The following TBC1D2B variants were observed in gnomAD, a reference collection of about 807,000 sequenced individuals.
The protein encoded by TBC1D2B is TBC1 domain family, member 2B.
In TBC1D2B, 64 loss-of-function variants were observed where a neutral mutation model predicts 100.8. The observed-to-expected ratio is 0.64, with a 90% CI of 0.52 to 0.78. TBC1D2B has a LOEUF of 0.78. Ranked by LOEUF, TBC1D2B falls within the 30% of genes least tolerant of loss-of-function variation. The pLI, the probability that TBC1D2B is intolerant of heterozygous loss-of-function variation, is 0.00. For missense variants in TBC1D2B, 1,052 were observed against 1,218.4 expected, an observed-to-expected ratio of 0.86 and a Z score of 2.03; for synonymous variants, 480 against 479.7, an observed-to-expected ratio of 1.00 and a Z score of -0.01.
chr15:78,074,650 G>A (rs368794940), intron 1 of TBC1D2B, among the ~76,000 whole-genome samples: 3 of 152,062 alleles, frequency 2.0e-5, no homozygotes, highest in African/African-American at 7.3e-5. Context: ...ACCACTACCT[G>A]GAAACCAGAG....
At position 78,001,938 on chromosome 15, in the gene TBC1D2B, C is replaced by T; in HGVS notation, c.2575-198G>A. 4 of 489,602 alleles carry T rather than the reference C, an allele frequency of 8.2e-6. No individual in the cohort carries two copies. In the South Asian group the frequency reaches 1.3e-4, roughly 16 times the overall value. 30.3% of individuals were successfully genotyped at this position (489,602 alleles called of 1,614,324 possible). On this transcript the variant is annotated intron_variant, in intron 11 of 12. Coordinates refer to ENST00000300584, the MANE Select transcript of TBC1D2B (RefSeq NM_144572.2). The stretch of plus-strand genomic sequence containing the variant: ...ACTCCTTTATTACAGGAAAATAAAC[C>T]CTGCTGGTTTTCAACAACACATCAG...
rs955174519 is a variant in TBC1D2B at position 78,070,451 on chromosome 15, C to G, written c.360+6842G>C. 2.0e-5 allele frequency among the ~76,000 whole-genome samples: 3 copies of G among 152,206 alleles called. No homozygotes were observed. The East Asian group carries it at 5.8e-4, about 29-fold the overall frequency. Reference sequence around the variant, plus strand: ...ATATTTTATTAACGTCTGTCCCCCCCACCTACTGAAAGCTCCAGGAGGACA... The same window carrying G: ...ATATTTTATTAACGTCTGTCCCCCCGACCTACTGAAAGCTCCAGGAGGACA... On this transcript the variant is annotated intron_variant, in intron 1 of 12. Coordinates refer to ENST00000300584, the MANE Select transcript of TBC1D2B (RefSeq NM_144572.2).
chr15:78,028,047 G>A (rs187955099), intron 4 of TBC1D2B, among the ~76,000 whole-genome samples: 48 of 152,284 alleles, frequency 3.2e-4, no homozygotes, highest in Middle Eastern at 6.8e-3. Context: ...GCTTACTCTC[G>A]CAATAAAGGT....
intron 6 of TBC1D2B, among the ~76,000 whole-genome samples, chr15:78,020,391 G>A (rs1004409376): frequency 4.6e-5 from 7 of 152,162 alleles, no homozygotes; most frequent in African/African-American, 1.2e-4. Context: ...AGTAAGTCCT[G>A]ATCATTTATA....
intron 2 of TBC1D2B, among the ~76,000 whole-genome samples, chr15:78,051,657 G>A (rs1310499676): frequency 6.6e-6 from 1 of 152,132 alleles, no homozygotes; most frequent in Non-Finnish European, 1.5e-5. Context: ...GACAATACTA[G>A]GAAAAGTTTT....
At chr15:78,055,625 T>C (rs746772167) in intron 1 of TBC1D2B, among the ~76,000 whole-genome samples, 22 of 152,220 alleles carry the variant, frequency 1.4e-4, no homozygotes, top group Non-Finnish European at 3.1e-4. Flanking sequence ...GTGGGTGCTG[T>C]GACCACAACC....
At chr15:78,031,084 G>T (rs1257507637) in intron 3 of TBC1D2B, among the ~76,000 whole-genome samples, 1 of 152,172 alleles carries the variant, frequency 6.6e-6, no homozygotes, top group African/African-American at 2.4e-5. Flanking sequence ...GAAAATGGAA[G>T]AATTATAGGT....
intron 1 of TBC1D2B, among the ~76,000 whole-genome samples, chr15:78,062,997 A>G (rs776289461): frequency 4.6e-5 from 7 of 152,204 alleles, no homozygotes; most frequent in Admixed American, 3.9e-4. Flanking sequence ...AATTGAAATA[A>G]TAATAATAGG....
At chr15:78,045,432 G>C (rs1295198660) in intron 2 of TBC1D2B, among the ~76,000 whole-genome samples, 1 of 152,152 alleles carries the variant, frequency 6.6e-6, no homozygotes, top group East Asian at 1.9e-4. Flanking sequence ...CAATTTCCAG[G>C]ATAAACTGTT....
Position 78,024,205 on chromosome 15 carries a change from G to A in TBC1D2B, c.1421C>T (p.Pro474Leu), listed in dbSNP as rs150264332. 67 of 1,613,818 alleles carry A rather than the reference G, an allele frequency of 4.2e-5. No homozygotes were observed. The African/African-American group carries it at 7.2e-4, about 17-fold the overall frequency. The change falls in exon 6 of 13, where the codon CCT (proline) becomes CTT (leucine). Residue 474 changes from proline (P) to leucine (L), a missense_variant. Physicochemically the swap from Pro to Leu is moderately conservative, Grantham distance 98. Around this residue, in one of 4 missense-constraint regions of TBC1D2B, gnomAD observed 627 missense variants for 646.1 expected, o/e 0.97. Transcript: ENST00000300584. ...GPPPTVAPSS[P>L]SVVPVARDQL... ...GTCCCTGGCAACAGGCACAACCGAAGGGGAGCTGGGCGCCACGGTGGGAGG... is the reference window on the plus strand; with the variant it reads ...GTCCCTGGCAACAGGCACAACCGAAAGGGAGCTGGGCGCCACGGTGGGAGG...
rs182979349 is a variant in TBC1D2B, at chr15:78,068,206, C to T, written c.360+9087G>A. ...TACAATTCTTTGATTATATCAGATGCTAAGCTATTTTTAAAGTTAACACTA... is the reference window on the plus strand; with the variant it reads ...TACAATTCTTTGATTATATCAGATGTTAAGCTATTTTTAAAGTTAACACTA... On this transcript the variant is annotated intron_variant, in intron 1 of 12. Transcript: ENST00000300584. 2.8e-3 allele frequency among the ~76,000 whole-genome samples: 424 copies of T among 152,206 alleles called. 2 individuals carry two copies. The highest frequency in any genetic ancestry group is 0.017 in the Middle Eastern group (5 of 294).
At chr15:77,998,376 G>A (rs1185545051) in intron 12 of TBC1D2B, 21 bp from the exon 13 acceptor site, 4 of 1,551,934 alleles carry the variant, frequency 2.6e-6, no homozygotes, top group South Asian at 1.2e-5. Flanking sequence ...GCAGGGGAGA[G>A]ACAAGAGAAT....
In TBC1D2B at chr15:78,077,557, C is replaced by T; in HGVS notation, c.96G>A (p.Arg32=). The part of the protein sequence containing the change: ...AAAEPGAGPA[R]EPARLCGYLQ... ...GATAGCCACACAGCCGCGCTGGCTCCCGCGCCGGACCCGCCCCGGGCTCCG... is the reference window on the plus strand; with the variant it reads ...GATAGCCACACAGCCGCGCTGGCTCTCGCGCCGGACCCGCCCCGGGCTCCG... The change falls in exon 1 of 13, where the codon CGG becomes CGA. Residue 32 remains arginine, a synonymous_variant. Transcript: ENST00000300584. 2.8e-6 allele frequency: 4 copies of T among 1,452,138 alleles called. No homozygotes were observed. The highest frequency in any genetic ancestry group is 9.1e-7 in the Non-Finnish European group (1 of 1,098,622). The allele number at this position is 1,452,138 out of a possible 1,614,324, so 90.0% of individuals were successfully genotyped here.
At chr15:78,075,194 A>AT (rs1204892659) in intron 1 of TBC1D2B, among the ~76,000 whole-genome samples, 23 of 151,092 alleles carry the variant, frequency 1.5e-4, no homozygotes, top group African/African-American at 4.9e-4. Context: ...ATTCTTATTT[A>AT]TTATTTTTTT....
chr15:78,036,323 G>A lies in TBC1D2B; in HGVS notation c.684-6153C>T, dbSNP rs72732547. ...GCAGGCCAAATGGGGAAGCTGTCAG[G>A]TGGCAGGCCTGCAAGCCAGGTCACT... is the stretch of plus-strand genomic sequence containing the variant. On this transcript the variant is annotated intron_variant, in intron 3 of 12. Coordinates refer to ENST00000300584, the MANE Select transcript of TBC1D2B (RefSeq NM_144572.2). 7.0e-3 allele frequency among the ~76,000 whole-genome samples: 1,062 copies of A among 152,292 alleles called. 7 individuals are homozygous for A. Among genetic ancestry groups the A allele is most frequent in the Non-Finnish European group, 0.011 (778 of 68,020 alleles).
chr15:78,024,328 A>G lies in TBC1D2B; in HGVS notation c.1298T>C (p.Val433Ala), dbSNP rs1277099110. 1 of 1,614,032 alleles carries G rather than the reference A, an allele frequency of 6.2e-7. No homozygotes were observed. The highest frequency in any genetic ancestry group is 1.7e-5 in the Admixed American group (1 of 60,030). The part of the protein sequence containing the change: ...QQEVRTLKSK[V>A]GELNEQLGML... ...TCCCAGCTGCTCGTTGAGCTCGCCC[A>G]CTTTGCTCTTCAGCGTCCTTACTTC... The change falls in exon 6 of 13, where the codon GTG becomes GCG. Residue 433 changes from valine to alanine, a missense_variant. Transcript: ENST00000300584.
intron 10 of TBC1D2B, among the ~76,000 whole-genome samples, chr15:78,008,302 C>T (rs1412881525): frequency 6.6e-6 from 1 of 152,254 alleles, no homozygotes; most frequent in Non-Finnish European, 1.5e-5. Context: ...AAATGCGCCA[C>T]TCAGACTCCC....
At chr15:78,006,121 T>G (rs2072060608) in intron 10 of TBC1D2B, among the ~76,000 whole-genome samples, 1 of 152,186 alleles carries the variant, frequency 6.6e-6, no homozygotes, top group African/African-American at 2.4e-5. Flanking sequence ...AGGTAGGGCC[T>G]GGGTTGTGAT....
intron 1 of TBC1D2B, among the ~76,000 whole-genome samples, chr15:78,066,570 C>T (rs1297164178): frequency 6.6e-6 from 1 of 152,184 alleles, no homozygotes; most frequent in Admixed American, 6.5e-5. Flanking sequence ...TTAACAGAAC[C>T]CAGGAGGAGT....
Sources: allele counts gnomAD v4.1 joint callset (sites outside exome capture counted in the v4.1 genomes callset), GRCh38; gene constraint gnomAD v4.1.1; regional missense constraint gnomAD v4.1.1; transcripts MANE v1.5; gene names NCBI Gene and HGNC (gene_info 2026-07-23, HGNC 2026-07-21).